HDAC9: variants seen among roughly 807,000 people sequenced by gnomAD.
HDAC9 encodes MEF-2 interacting transcription repressor (MITR) protein.
HDAC9 carries 41 observed loss-of-function variants against 139.4 expected under a neutral mutation model. The ratio of observed to expected loss-of-function variants is 0.29; its 90% CI spans 0.23 to 0.38. The LOEUF is 0.38. Among genes scored for constraint, HDAC9 ranks in the 10% least tolerant of loss-of-function variants. The pLI, the probability that HDAC9 is intolerant of heterozygous loss-of-function variation, is 1.00. For synonymous variants in HDAC9, 517 were observed against 476.2 expected (o/e 1.09, Z -1.12); for missense variants, 1,147 against 1,297.0 (o/e 0.88, Z 1.78).
intron 2 of HDAC9, among the ~76,000 whole-genome samples, chr7:18,520,682 A>G (rs1025458259): frequency 1.3e-5 from 2 of 152,172 alleles, no homozygotes; most frequent in Non-Finnish European, 2.9e-5. Flanking sequence ...ATATTTTCCA[A>G]AATAACAGTC....
intron 13 of HDAC9, among the ~76,000 whole-genome samples, chr7:18,742,420 A>C (rs929789342): frequency 2.6e-5 from 4 of 152,222 alleles, no homozygotes; most frequent in Non-Finnish European, 4.4e-5. Context: ...ATTTTTAATT[A>C]AGGTATGTAC....
At chr7:18,362,758 G>A (rs1783881683) in intron 1 of HDAC9, among the ~76,000 whole-genome samples, 1 of 152,078 alleles carries the variant, frequency 6.6e-6, no homozygotes, top group Admixed American at 6.5e-5. Flanking sequence ...TGGCTTTCAT[G>A]CTACATTTAT....
intron 22 of HDAC9, among the ~76,000 whole-genome samples, chr7:18,887,744 T>C (rs1800294724): frequency 1.3e-5 from 2 of 152,264 alleles, no homozygotes; most frequent in Admixed American, 1.3e-4. Context: ...ATAATTATTT[T>C]ATATTTCTAA....
rs367750133 is a variant in HDAC9 at position 18,300,672 on chromosome 7, G to A, written c.-42+10157G>A. ...AATATAAGTAAAGATCTTAATAAAT[G>A]TAACATTAAAGTTCTTGAACTATAT... On this transcript the variant is annotated intron_variant, in intron 1 of 3. Coordinates refer to the HDAC9 transcript ENST00000413509. 4.6e-5 allele frequency among the ~76,000 whole-genome samples: 7 copies of A among 152,156 alleles called. No individual in the cohort carries two copies. The East Asian group carries it at 1.2e-3, about 25-fold the overall frequency.
At chr7:18,876,824 T>C (rs1446110044) in intron 22 of HDAC9, among the ~76,000 whole-genome samples, 1 of 151,750 alleles carries the variant, frequency 6.6e-6, no homozygotes, top group Admixed American at 6.6e-5. Flanking sequence ...TCCCTCAGCC[T>C]CCCTAGTAGC....
intron 21 of HDAC9, among the ~76,000 whole-genome samples, chr7:18,844,762 C>A (rs1210761436): frequency 6.6e-6 from 1 of 152,236 alleles, no homozygotes; most frequent in South Asian, 2.1e-4. Flanking sequence ...AGTTTTATTA[C>A]CCAAAGAGAT....
At chr7:18,303,222 ACT>A (rs1381458523) in intron 1 of HDAC9, among the ~76,000 whole-genome samples, 4 of 151,192 alleles carry the variant, frequency 2.6e-5, no homozygotes, top group African/African-American at 7.3e-5. Flanking sequence ...ATGGAATAAG[ACT>A]CTTTTTTTTT....
At chr7:18,207,452 G>GAT (rs937654808) in intron 2 of HDAC9, among the ~76,000 whole-genome samples, 1 of 150,328 alleles carries the variant, frequency 6.7e-6, no homozygotes, top group Non-Finnish European at 1.5e-5. Flanking sequence ...TATCATCCAG[G>GAT]ATGGAGTGTA....
chr7:18,857,410 T>G (rs1046645799), intron 21 of HDAC9, among the ~76,000 whole-genome samples: 1 of 151,702 alleles, frequency 6.6e-6, no homozygotes, highest in African/African-American at 2.4e-5. Context: ...CTTTTTTGTT[T>G]GTTGTGGTTT....
chr7:18,761,539 G>A (rs912847289), intron 14 of HDAC9, among the ~76,000 whole-genome samples: 2 of 152,140 alleles, frequency 1.3e-5, no homozygotes, highest in African/African-American at 4.8e-5. Flanking sequence ...CTGTCAAATT[G>A]CCATAAAAGT....
At chr7:18,293,496 C>T (rs553985104) in intron 1 of HDAC9, among the ~76,000 whole-genome samples, 46 of 152,078 alleles carry the variant, frequency 3.0e-4, no homozygotes, top group Middle Eastern at 3.4e-3. Flanking sequence ...CATCACACAC[C>T]GGGCATTCTT....
intron 14 of HDAC9, among the ~76,000 whole-genome samples, chr7:18,750,997 A>G (rs1788396127): frequency 1.3e-5 from 2 of 152,178 alleles, no homozygotes; most frequent in South Asian, 4.1e-4. Context: ...TGGTATTCCT[A>G]AATCCTATTA....
At chr7:18,258,004 T>C (rs911123387) in intron 2 of HDAC9, among the ~76,000 whole-genome samples, 5 of 152,172 alleles carry the variant, frequency 3.3e-5, no homozygotes, top group African/African-American at 1.2e-4. Flanking sequence ...CACTGAATCA[T>C]AACCTTCAAG....
intron 16 of HDAC9, among the ~76,000 whole-genome samples, chr7:18,769,086 G>A (rs556730148): frequency 1.3e-5 from 2 of 152,100 alleles, no homozygotes; most frequent in Admixed American, 6.6e-5. Flanking sequence ...TGGGTTTATC[G>A]GGACTCCTTC....
rs1786764828 is a variant in HDAC9 at position 19,001,785 on chromosome 7, A to G, written c.*5723A>G. ...ACAAACAAGCCGTTAAAAATGAGTG[A>G]CCATTTTGTAGGTTACAGCCTCAGC... On this transcript the variant is annotated 3_prime_UTR_variant, in exon 26 of 26. Coordinates refer to ENST00000686413, the MANE Select transcript of HDAC9 (RefSeq NM_178425.4). The G allele has an allele frequency of 6.6e-6, 1 of 152,052 alleles. No individual in the cohort carries two copies. Among genetic ancestry groups the G allele is most frequent in the African/African-American group, 2.4e-5 (1 of 41,438 alleles). 9.4% of individuals were successfully genotyped at this position (152,052 alleles called of 1,614,324 possible). A position where few individuals can be genotyped will look rare whatever the true frequency, so the allele number is the denominator to read the frequency against.
rs1249577040 is a variant in HDAC9, at chr7:18,393,547, G to T, written c.-41-102715G>T. Among the ~76,000 whole-genome samples the T allele has an allele frequency of 4.6e-5, 7 of 152,148 alleles. No homozygotes were observed. The South Asian group carries it at 6.2e-4, about 14-fold the overall frequency. Reference sequence around the variant, plus strand: ...TAAAAGGATGGATGAGGTGAGGCAGGGAGGGGGAGGCATGTAGAACTGTGA... The same window carrying T: ...TAAAAGGATGGATGAGGTGAGGCAGTGAGGGGGAGGCATGTAGAACTGTGA... On this transcript the variant is annotated intron_variant, in intron 1 of 3. Coordinates refer to the HDAC9 transcript ENST00000413509.
chr7:18,901,901 C>G (rs964891357), intron 22 of HDAC9, among the ~76,000 whole-genome samples: 11 of 152,082 alleles, frequency 7.2e-5, no homozygotes, highest in Admixed American at 1.3e-4. Flanking sequence ...TTATTTTATG[C>G]CAGATTCAAT....
intron 1 of HDAC9, among the ~76,000 whole-genome samples, chr7:18,143,940 A>G (rs1385157791): frequency 6.6e-6 from 1 of 152,164 alleles, no homozygotes; most frequent in African/African-American, 2.4e-5. Context: ...AAAAAAGCCT[A>G]AATCGACATG....
At chr7:18,899,906 A>C (rs1801543008) in intron 22 of HDAC9, among the ~76,000 whole-genome samples, 2 of 152,110 alleles carry the variant, frequency 1.3e-5, no homozygotes, top group African/African-American at 4.8e-5. Flanking sequence ...TATTCTCACA[A>C]ATTGATAATG....
Sources: gnomAD v4.1 joint callset for allele counts (sites outside exome capture counted in the v4.1 genomes callset) on GRCh38, gnomAD v4.1.1 for gene constraint, MANE v1.5 for transcripts, NCBI Gene and HGNC (gene_info 2026-07-23, HGNC 2026-07-21) for gene names.